Variants in GSTA1 observed in about 807,000 individuals in gnomAD.
GSTA1 encodes the protein glutathione S-transferase A1.
GSTA1 carries 23 observed loss-of-function variants against 21.5 expected under a neutral mutation model. The observed-to-expected ratio is 1.07, with a 90% confidence interval of 0.77 to 1.52. The LOEUF (loss-of-function observed/expected upper bound fraction) is 1.52. GSTA1 is among the 40% of genes most tolerant of loss of function. The probability of loss-of-function intolerance (pLI) is 0.00; values close to 1 mark genes in which losing one functional copy is unlikely to be tolerated. For missense variants in GSTA1, 301 were observed against 264.2 expected (o/e 1.14, Z -0.96); for synonymous variants, 125 against 90.0 (o/e 1.39, Z -2.20).
intron 6 of GSTA1, among the ~76,000 whole-genome samples, chr6:52,792,422 G>A (rs1459516829): frequency 6.6e-6 from 1 of 152,178 alleles, no homozygotes; most frequent in Non-Finnish European, 1.5e-5. Flanking sequence ...TGGGGGGCCA[G>A]TGTTCTGGAG....
rs374431368 is a variant in GSTA1 at position 52,794,147 on chromosome 6, C to G, written c.392G>C (p.Arg131Pro). 1.2e-6 allele frequency: 2 copies of G among 1,613,888 alleles called. No individual in the cohort carries two copies. Among genetic ancestry groups the G allele is most frequent in the South Asian group, 1.1e-5 (1 of 91,074 alleles). ...LALIKEKIKN[R>P]YFPAFEKVLK... is the part of the protein sequence containing the mutation. ...TACTTTTTCAAAGGCAGGGAAGTAG[C>G]GATTTTTTATTTTCTCTTTGATCAA... Residue 131 changes from arginine (R) to proline (P), a missense_variant, in exon 5 of 7, where the codon CGC (arginine) becomes CCC (proline). Arg to Pro is a moderately radical substitution (Grantham distance 103, BLOSUM62 -2). Coordinates refer to ENST00000334575, the MANE Select transcript of GSTA1 (RefSeq NM_145740.5).
chr6:52,796,543 A>ATATATTTTTTTTTTTTTTTTT (rs1300549721), intron 3 of GSTA1, among the ~76,000 whole-genome samples: 8 of 23,758 alleles, frequency 3.4e-4, no homozygotes, highest in Non-Finnish European at 8.5e-4. Flanking sequence ...ATATATATAT[A>ATATATTTTTTTTTTTTTTTTT]TTTTTTTTTT....
At chr6:52,793,400 T>G (rs1015273737) in intron 5 of GSTA1, among the ~76,000 whole-genome samples, 1 of 152,126 alleles carries the variant, frequency 6.6e-6, no homozygotes, top group Non-Finnish European at 1.5e-5. Flanking sequence ...TCCACCTTCA[T>G]GACAACACTC....
Position 52,792,894 on chromosome 6 carries a change from G to C in GSTA1, c.508C>G (p.Leu170Val). 6.2e-7 allele frequency: 1 copy of C among 1,614,110 alleles called. No individual in the cohort carries two copies. ...AAGCTGGAGATAAGACTGGAGTCAAGCTCCTCGACGTAGTAGAGAAGTTCC... is the reference window on the plus strand; with the variant it reads ...AAGCTGGAGATAAGACTGGAGTCAACCTCCTCGACGTAGTAGAGAAGTTCC... Reference protein sequence around the residue: ...LVELLYYVEELDSSLISSFPL... With the variant: ...LVELLYYVEEVDSSLISSFPL... The change falls in exon 6 of 7, where the codon CTT becomes GTT. Residue 170 changes from leucine to valine, a missense_variant. Leu to Val is a conservative substitution (Grantham distance 32, BLOSUM62 1). Transcript: ENST00000334575.
At position 52,794,242 on chromosome 6, in the gene GSTA1, T is replaced by C; in HGVS notation, c.297A>G (p.Ile99Met). 1 of 1,613,546 alleles carries C rather than the reference T, an allele frequency of 6.2e-7. No individual in the cohort carries two copies. The highest frequency in any genetic ancestry group is 8.5e-7 in the Non-Finnish European group (1 of 1,179,462). Residue 99 changes from isoleucine (I) to methionine (M), a missense_variant, in exon 5 of 7, where the codon ATA (isoleucine) becomes ATG (methionine). Physicochemically the swap from Ile to Met is conservative, Grantham distance 10. Transcript: ENST00000334575. Reference sequence around the variant, plus strand: ...GGAGGATCATTTCACCCAAATCTGCTATACCTTCTATATACATATCAATCC... The same window carrying C: ...GGAGGATCATTTCACCCAAATCTGCCATACCTTCTATATACATATCAATCC... ...RALIDMYIEG[I>M]ADLGEMILLL... is the part of the protein sequence containing the mutation.
At chr6:52,800,623 A>T (rs1312721581) in intron 1 of GSTA1, among the ~76,000 whole-genome samples, 1 of 152,094 alleles carries the variant, frequency 6.6e-6, no homozygotes, top group Middle Eastern at 3.2e-3. Context: ...GCTGTTTGGG[A>T]GGTGGAACAT....
intron 5 of GSTA1, 150 bp from the exon 6 acceptor site, chr6:52,793,137 A>G: frequency 9.0e-7 from 1 of 1,116,798 alleles, no homozygotes; most frequent in Non-Finnish European, 1.3e-6. Context: ...CATTATCTGA[A>G]TGAATGAGAG....
chr6:52,798,889 T>C (rs1313540649), intron 2 of GSTA1, among the ~76,000 whole-genome samples: 1 of 152,254 alleles, frequency 6.6e-6, no homozygotes, highest in African/African-American at 2.4e-5. Flanking sequence ...GATATTCATG[T>C]TTCTAATTGT....
intron 4 of GSTA1, 77 bp downstream of exon 4, chr6:52,796,105 A>G: frequency 6.2e-7 from 1 of 1,604,380 alleles, no homozygotes; most frequent in Non-Finnish European, 8.5e-7. Flanking sequence ...ATGCCCTGCC[A>G]TCGTCCCACC....
intron 3 of GSTA1, among the ~76,000 whole-genome samples, chr6:52,797,299 A>G (rs1763614017): frequency 6.6e-6 from 1 of 152,112 alleles, no homozygotes; most frequent in African/African-American, 2.4e-5. Flanking sequence ...TGTGCTGATG[A>G]CCACCACTCA....
At chr6:52,794,510 G>A (rs1194797418) in intron 4 of GSTA1, among the ~76,000 whole-genome samples, 1 of 152,182 alleles carries the variant, frequency 6.6e-6, no homozygotes, top group South Asian at 2.1e-4. Context: ...TAAAAAGAAC[G>A]TCGGTGGTCA....
Position 52,794,134 on chromosome 6 carries a change from G to A in GSTA1, c.405C>T (p.Ala135=). Residue 135 remains alanine, a synonymous_variant, in exon 5 of 7, where the codon GCC becomes GCT. Transcript: ENST00000334575. ...GAACTGCTTCACTTACTTTTTCAAAGGCAGGGAAGTAGCGATTTTTTATTT... is the reference window on the plus strand; with the variant it reads ...GAACTGCTTCACTTACTTTTTCAAAAGCAGGGAAGTAGCGATTTTTTATTT... ...KEKIKNRYFP[A]FEKVLKSHGQ... 6.2e-7 allele frequency: 1 copy of A among 1,613,870 alleles called. No individual in the cohort carries two copies. The highest frequency in any genetic ancestry group is 1.1e-5 in the South Asian group (1 of 91,078).
At chr6:52,803,083 T>A (rs1319809846) in intron 1 of GSTA1, among the ~76,000 whole-genome samples, 1 of 152,100 alleles carries the variant, frequency 6.6e-6, no homozygotes, top group East Asian at 1.9e-4. Context: ...TGGGTTGTCA[T>A]ATCTGCGGGG....
At position 52,796,259 on chromosome 6, in the gene GSTA1, C is replaced by T; in HGVS notation, c.195G>A (p.Leu65=). 1.2e-6 allele frequency: 2 copies of T among 1,613,738 alleles called. No homozygotes were observed. Among genetic ancestry groups the T allele is most frequent in the African/African-American group, 1.3e-5 (1 of 74,868 alleles). ...AGTTGAGAATGGCTCTGGTCTGCACCAGCTTCATCCCATCAATCTCAACCA... is the reference window on the plus strand; with the variant it reads ...AGTTGAGAATGGCTCTGGTCTGCACTAGCTTCATCCCATCAATCTCAACCA... ...VPMVEIDGMK[L]VQTRAILNYI... is the part of the protein sequence containing the mutation. The change falls in exon 4 of 7, where the codon CTG becomes CTA. Residue 65 remains leucine (L), a synonymous_variant. Coordinates refer to ENST00000334575, the MANE Select transcript of GSTA1 (RefSeq NM_145740.5).
Position 52,796,176 on chromosome 6 carries a change from C to T in GSTA1, c.272+6G>A. 2 of 1,612,770 alleles carry T rather than the reference C, an allele frequency of 1.2e-6. No individual in the cohort carries two copies. Among genetic ancestry groups the T allele is most frequent in the Non-Finnish European group, 1.7e-6 (2 of 1,179,702 alleles). On this transcript the variant is annotated splice_donor_region_variant and intron_variant, in intron 4 of 6. Coordinates refer to ENST00000334575, the MANE Select transcript of GSTA1 (RefSeq NM_145740.5). ...TGTGGATGGAAGAACAGAAAATATA[C>T]CGTACAGGGCTCTCTCCTTTATGTC... is the stretch of plus-strand genomic sequence containing the variant.
intron 6 of GSTA1, 114 bp from the exon 7 acceptor site, chr6:52,792,094 C>T: frequency 6.9e-7 from 1 of 1,445,470 alleles, no homozygotes; most frequent in Non-Finnish European, 9.4e-7. Flanking sequence ...GCTCCATCAG[C>T]ACAAGCATGG....
In GSTA1 at chr6:52,796,391, A is replaced by G; in HGVS notation, c.140-77T>C. On this transcript the variant is annotated intron_variant, in intron 3 of 6. Coordinates refer to ENST00000334575, the MANE Select transcript of GSTA1 (RefSeq NM_145740.5). ...TTTGGGATGAACAAATGGTTGTGGA[A>G]ATGACTAAATTTGTAAAATGGCAAA... The G allele has an allele frequency of 8.2e-6, 13 of 1,583,186 alleles. 1 individual carries two copies. The highest frequency in any genetic ancestry group is 1.7e-4 in the Middle Eastern group (1 of 5,916).
chr6:52,792,002 C>T (rs368551892), intron 6 of GSTA1, 22 bp from the exon 7 acceptor site: 16 of 1,613,460 alleles, frequency 9.9e-6, no homozygotes, highest in Non-Finnish European at 1.4e-5. Context: ...AAAGCACAGC[C>T]TCAGAGTGAA....
chr6:52,796,529 G>GTATA (rs1561912876), intron 3 of GSTA1, among the ~76,000 whole-genome samples: 15 of 56,610 alleles, frequency 2.6e-4, no homozygotes, highest in African/African-American at 6.7e-4. Context: ...GTGTGTGTGT[G>GTATA]TATATATATA....
Sources: allele counts gnomAD v4.1 joint callset (sites outside exome capture counted in the v4.1 genomes callset), GRCh38; gene constraint gnomAD v4.1.1; transcripts MANE v1.5; gene names NCBI Gene and HGNC (gene_info 2026-07-23, HGNC 2026-07-21).